PDZRN4: variants seen among roughly 807,000 people sequenced by gnomAD.
PDZRN4 encodes PDZ domain-containing RING finger protein 4.
Under a neutral mutation model 99.0 loss-of-function variants are expected in PDZRN4, and 70 were observed. The observed-to-expected ratio is 0.71, with a 90% CI of 0.58 to 0.86. PDZRN4 has a LOEUF of 0.86. Ranked by LOEUF, PDZRN4 falls within the 40% of genes least tolerant of loss-of-function variation. The pLI, the probability that PDZRN4 is intolerant of heterozygous loss-of-function variation, is 0.00. For synonymous variants in PDZRN4, 551 were observed against 501.6 expected (o/e 1.10, Z -1.32); for missense variants, 1,474 against 1,331.2 (o/e 1.11, Z -1.67).
chr12:41,200,089 A>C (rs1009885371), intron 3 of PDZRN4, among the ~76,000 whole-genome samples: 9 of 152,168 alleles, frequency 5.9e-5, no homozygotes, highest in Non-Finnish European at 1.0e-4. Flanking sequence ...CTGTAGATTT[A>C]TTCAGTGTCC....
intron 3 of PDZRN4, among the ~76,000 whole-genome samples, chr12:41,310,324 T>G (rs1951598552): frequency 1.3e-5 from 2 of 152,110 alleles, no homozygotes; most frequent in African/African-American, 4.8e-5. Context: ...ATTATCAATG[T>G]CCATTGGGGA....
chr12:41,387,650 A>G (rs562730669), intron 3 of PDZRN4, among the ~76,000 whole-genome samples: 1 of 152,316 alleles, frequency 6.6e-6, no homozygotes, highest in Non-Finnish European at 1.5e-5. Context: ...AGGAAGACAT[A>G]CAGCGGCCAA....
intron 3 of PDZRN4, among the ~76,000 whole-genome samples, chr12:41,276,653 T>G (rs1024879476): frequency 1.3e-5 from 2 of 152,160 alleles, no homozygotes; most frequent in African/African-American, 2.4e-5. Flanking sequence ...TTACCCAAAG[T>G]CACACAGCTC....
intron 3 of PDZRN4, among the ~76,000 whole-genome samples, chr12:41,392,505 A>G (rs571288538): frequency 5.9e-5 from 9 of 152,268 alleles, no homozygotes; most frequent in African/African-American, 1.4e-4. Flanking sequence ...ATTGCAATGC[A>G]TTGCACTAGA....
At chr12:41,456,278 C>T (rs1952815902) in intron 3 of PDZRN4, among the ~76,000 whole-genome samples, 2 of 152,304 alleles carry the variant, frequency 1.3e-5, no homozygotes, top group Non-Finnish European at 1.5e-5. Flanking sequence ...ACCAATTTCC[C>T]TCCTGCTTAA....
intron 3 of PDZRN4, among the ~76,000 whole-genome samples, chr12:41,279,118 G>T (rs922684054): frequency 6.6e-6 from 1 of 152,120 alleles, no homozygotes; most frequent in Non-Finnish European, 1.5e-5. Context: ...GCAGGGTTCG[G>T]GTATACAGTG....
chr12:41,504,421 G>C (rs1318314206), intron 3 of PDZRN4, among the ~76,000 whole-genome samples: 1 of 152,122 alleles, frequency 6.6e-6, no homozygotes, highest in Non-Finnish European at 1.5e-5. Context: ...GAGGACAAAA[G>C]AGCAATTTTT....
intron 5 of PDZRN4, among the ~76,000 whole-genome samples, chr12:41,541,461 T>G (rs1938853100): frequency 6.6e-6 from 1 of 151,630 alleles, no homozygotes; most frequent in Admixed American, 6.6e-5. Flanking sequence ...TTTTTTTTTT[T>G]TTTTTGAGAC....
At chr12:41,458,708 T>A (rs1379758) in intron 3 of PDZRN4, among the ~76,000 whole-genome samples, 78,540 of 151,794 alleles carry the variant, frequency 0.52, 20,862 homozygotes, top group African/African-American at 0.65. Context: ...AGGCTCCTGT[T>A]GGTGGGACTG....
intron 3 of PDZRN4, among the ~76,000 whole-genome samples, chr12:41,236,066 C>T (rs1279840116): frequency 6.6e-6 from 1 of 152,112 alleles, no homozygotes; most frequent in Non-Finnish European, 1.5e-5. Flanking sequence ...CCCATGTTTA[C>T]TGAGCACCTA....
chr12:41,262,285 G>C (rs1243258397), intron 3 of PDZRN4, among the ~76,000 whole-genome samples: 1 of 152,188 alleles, frequency 6.6e-6, no homozygotes, highest in Non-Finnish European at 1.5e-5. Context: ...CATGCACTGA[G>C]ATAAGCAGTC....
intron 3 of PDZRN4, among the ~76,000 whole-genome samples, chr12:41,399,316 T>G (rs767867872): frequency 2.0e-5 from 3 of 152,210 alleles, no homozygotes; most frequent in Admixed American, 1.3e-4. Context: ...AAAATTCAAA[T>G]AGTGAATTGT....
chr12:41,227,770 C>A (rs1951003815), intron 3 of PDZRN4, among the ~76,000 whole-genome samples: 2 of 151,814 alleles, frequency 1.3e-5, no homozygotes, highest in South Asian at 4.2e-4. Flanking sequence ...TAATGAACCA[C>A]AGCCTACTTC....
Position 41,573,278 on chromosome 12 carries a change from C to A in PDZRN4, c.2499C>A (p.Tyr833Ter). The change falls in exon 10 of 10, where the codon TAC becomes TAA. Residue 833 changes from tyrosine (Y) to a stop codon, truncating the protein, a stop_gained. Coordinates refer to ENST00000402685, the MANE Select transcript of PDZRN4 (RefSeq NM_001164595.2). LOFTEE classifies it high-confidence loss of function. ...VSEHIPYLSP[Y>*]HSSSYRYANI... ...AACACATCCCTTACCTCTCTCCTTA[C>A]CACAGCTCCTCATATAGATATGCAA... The A allele has an allele frequency of 6.2e-7, 1 of 1,613,762 alleles. No individual in the cohort carries two copies. Among genetic ancestry groups the A allele is most frequent in the Non-Finnish European group, 8.5e-7 (1 of 1,180,020 alleles).
intron 3 of PDZRN4, among the ~76,000 whole-genome samples, chr12:41,228,535 T>C (rs190481679): frequency 2.2e-3 from 328 of 152,006 alleles, no homozygotes; most frequent in African/African-American, 7.4e-3. Flanking sequence ...AAAAAGAAAG[T>C]GTATGGTGGA....
intron 3 of PDZRN4, among the ~76,000 whole-genome samples, chr12:41,450,416 T>C (rs977695268): frequency 6.6e-6 from 1 of 152,174 alleles, no homozygotes; most frequent in African/African-American, 2.4e-5. Flanking sequence ...TAACCAAGAT[T>C]AATTTTCCAT....
chr12:41,279,478 A>G (rs1951369929), intron 3 of PDZRN4, among the ~76,000 whole-genome samples: 1 of 152,184 alleles, frequency 6.6e-6, no homozygotes, highest in African/African-American at 2.4e-5. Context: ...GTATTTAAAG[A>G]TGGGTAGTAG....
At chr12:41,411,209 G>A (rs1565575967) in intron 3 of PDZRN4, among the ~76,000 whole-genome samples, 1 of 151,916 alleles carries the variant, frequency 6.6e-6, no homozygotes, top group Admixed American at 6.6e-5. Flanking sequence ...CCTAGCATAA[G>A]TTTTACAACC....
intron 3 of PDZRN4, among the ~76,000 whole-genome samples, chr12:41,274,777 T>G (rs1461870911): frequency 1.3e-5 from 2 of 152,186 alleles, no homozygotes; most frequent in African/African-American, 4.8e-5. Flanking sequence ...GGTGTGTTCA[T>G]GAAGTATACA....
Sources: gnomAD v4.1 joint callset for allele counts (sites outside exome capture counted in the v4.1 genomes callset) on GRCh38, gnomAD v4.1.1 for gene constraint, MANE v1.5 for transcripts, NCBI Gene and HGNC (gene_info 2026-07-23, HGNC 2026-07-21) for gene names.